The following CINP variants were observed in gnomAD, a reference collection of about 807,000 sequenced individuals.
The protein encoded by CINP is cyclin dependent kinase 2 interacting protein.
In CINP, 11 loss-of-function variants were observed where a neutral mutation model predicts 20.5. That is an observed-to-expected ratio of 0.54 (90% CI 0.34 to 0.89). CINP has a LOEUF of 0.89. Ranked by LOEUF, CINP falls within the 40% of genes least tolerant of loss-of-function variation. The pLI is 0.02. For synonymous variants in CINP, 108 were observed against 102.1 expected (o/e 1.06, Z -0.35); for missense variants, 213 against 251.0 (o/e 0.85, Z 1.02).
chr14:102,359,222 A>ATATATATATAT (rs1280647444), intron 2 of CINP, among the ~76,000 whole-genome samples, 197 bp downstream of exon 2: 3 of 108,608 alleles, frequency 2.8e-5, no homozygotes, highest in African/African-American at 9.2e-5. Flanking sequence ...ATAAATAAAT[A>ATATATATATAT]ACTAAATATA....
intron 2 of CINP, among the ~76,000 whole-genome samples, chr14:102,357,447 C>G (rs1217362543): frequency 6.7e-6 from 1 of 149,456 alleles, no homozygotes; most frequent in African/African-American, 2.5e-5. Context: ...AAACAGTTGG[C>G]CAAGTTGTGA....
At chr14:102,355,641 G>T in intron 3 of CINP, 127 bp downstream of exon 3, 2 of 1,036,798 alleles carry the variant, frequency 1.9e-6, no homozygotes, top group Non-Finnish European at 2.9e-6. Flanking sequence ...TACGCAGCAG[G>T]CAGAGGAAGA....
chr14:102,355,440 A>T, intron 3 of CINP: 1 of 193,736 alleles, frequency 5.2e-6, no homozygotes, highest in East Asian at 1.3e-4. Flanking sequence ...GCTTGAGCCC[A>T]GGAGGCGGAG....
intron 1 of CINP, 118 bp downstream of exon 1, chr14:102,362,727 A>G: frequency 2.2e-6 from 3 of 1,355,266 alleles, no homozygotes; most frequent in Non-Finnish European, 3.2e-6. Flanking sequence ...GGTAAGACAG[A>G]GGACCTCCAT....
chr14:102,352,704 A>G (rs1480130693), intron 3 of CINP: 3 of 370,824 alleles, frequency 8.1e-6, no homozygotes, highest in African/African-American at 4.3e-5. Flanking sequence ...TGTGGCCCAG[A>G]CTGGAGTGCA....
Position 102,355,138 on chromosome 14 carries a change from C to T in CINP, c.306+630G>A, listed in dbSNP as rs1336530465. Among the ~76,000 whole-genome samples, 18 of 151,946 alleles carry T rather than the reference C, an allele frequency of 1.2e-4. 1 individual carries two copies. Among genetic ancestry groups the T allele is most frequent in the Admixed American group, 1.0e-3 (16 of 15,262 alleles). ...CATGGAATGCAGCCACATCCATTTA[C>T]GCATATATTATCTATGGCTGTTTAG... is the stretch of plus-strand genomic sequence containing the variant. On this transcript the variant is annotated intron_variant, in intron 3 of 4. Coordinates refer to ENST00000216756, the MANE Select transcript of CINP (RefSeq NM_032630.3).
At chr14:102,349,694 ACAG>A (rs1886822256) in intron 4 of CINP, among the ~76,000 whole-genome samples, 1 of 152,176 alleles carries the variant, frequency 6.6e-6, no homozygotes, top group South Asian at 2.1e-4. Context: ...AGGCCTAATA[ACAG>A]CAGCTTGCTT....
At chr14:102,352,679 C>T (rs887771842) in intron 3 of CINP, 2 of 396,230 alleles carry the variant, frequency 5.0e-6, no homozygotes, top group African/African-American at 4.2e-5. Context: ...TTTTTTTTGA[C>T]ACGGAGTCTC....
chr14:102,362,026 C>T (rs1887176219), intron 1 of CINP, among the ~76,000 whole-genome samples: 3 of 152,204 alleles, frequency 2.0e-5, no homozygotes, highest in African/African-American at 7.2e-5. Context: ...AACTATGTCT[C>T]GTTCTCTTTC....
At position 102,351,154 on chromosome 14, in the gene CINP, C is replaced by T. The variant is rs115163793; in HGVS notation, c.307-1106G>A. On this transcript the variant is annotated intron_variant, in intron 3 of 4. Transcript: ENST00000216756. This position sits in a 1 kb window ranked among gnomAD's most constrained non-coding sequence, Gnocchi z 4.2. ...CTCTCTTATTAACTGCCTTTATTTACGGAAACCTCCTTGACTTCCTTGTTT... is the reference window on the plus strand; with the variant it reads ...CTCTCTTATTAACTGCCTTTATTTATGGAAACCTCCTTGACTTCCTTGTTT... Among the ~76,000 whole-genome samples, 905 of 152,222 alleles carry T rather than the reference C, an allele frequency of 5.9e-3. 8 individuals are homozygous for T. Among genetic ancestry groups the T allele is most frequent in the African/African-American group, 0.021 (859 of 41,526 alleles).
At chr14:102,359,668 A>C in intron 1 of CINP, 81 bp from the exon 2 acceptor site, 1 of 994,558 alleles carries the variant, frequency 1.0e-6, no homozygotes, top group Non-Finnish European at 1.5e-6. Flanking sequence ...TATAATTTTC[A>C]ACAGTAAAAC....
At chr14:102,350,647 C>T (rs745854627) in intron 3 of CINP, among the ~76,000 whole-genome samples, 1 of 152,124 alleles carries the variant, frequency 6.6e-6, no homozygotes, top group East Asian at 1.9e-4. Flanking sequence ...TGCGCCACCG[C>T]GCCTGGCTGG....
At chr14:102,359,074 G>A (rs1020949960) in intron 2 of CINP, among the ~76,000 whole-genome samples, 3 of 151,558 alleles carry the variant, frequency 2.0e-5, no homozygotes, top group East Asian at 1.9e-4. Context: ...GGTGACGGGC[G>A]CCTGTAATCC....
chr14:102,358,320 C>T (rs1466465229), intron 2 of CINP, among the ~76,000 whole-genome samples: 1 of 152,200 alleles, frequency 6.6e-6, no homozygotes, highest in African/African-American at 2.4e-5. Context: ...CACTATTAAA[C>T]AGCAATGAGA....
At chr14:102,358,732 T>C (rs1231479447) in intron 2 of CINP, among the ~76,000 whole-genome samples, 2 of 151,946 alleles carry the variant, frequency 1.3e-5, no homozygotes, top group Non-Finnish European at 2.9e-5. Context: ...AAGGAAACAA[T>C]AACATATGTT....
intron 3 of CINP, 52 bp downstream of exon 3, chr14:102,355,716 C>A: frequency 6.2e-7 from 1 of 1,602,608 alleles, no homozygotes; most frequent in South Asian, 1.1e-5. Context: ...CCAAATACGT[C>A]CATCGGATTC....
chr14:102,356,266 A>G (rs1886995987), intron 2 of CINP, among the ~76,000 whole-genome samples: 1 of 152,134 alleles, frequency 6.6e-6, no homozygotes, highest in Non-Finnish European at 1.5e-5. Context: ...ATTAAAAGTA[A>G]AAATTAGCTG....
intron 2 of CINP, among the ~76,000 whole-genome samples, chr14:102,358,813 T>A (rs1478847070): frequency 6.6e-6 from 1 of 152,180 alleles, no homozygotes; most frequent in Admixed American, 6.6e-5. Context: ...AGCTAGGTAA[T>A]GTGCCAACAT....
chr14:102,362,710 A>G, intron 1 of CINP, 135 bp downstream of exon 1: 2 of 1,206,744 alleles, frequency 1.7e-6, no homozygotes, highest in Non-Finnish European at 2.4e-6. Context: ...CCTGCGGGCT[A>G]GGCTGGGGTA....
Sources: gnomAD v4.1 joint callset for allele counts (sites outside exome capture counted in the v4.1 genomes callset) on GRCh38, gnomAD v4.1.1 for gene constraint, Gnocchi (gnomAD v3.1) non-coding constraint, MANE v1.5 for transcripts, NCBI Gene and HGNC (gene_info 2026-07-23, HGNC 2026-07-21) for gene names.